Variants in PPFIA2 observed in about 807,000 individuals in gnomAD.
PPFIA2 encodes the protein liprin-alpha-2.
PPFIA2 carries 46 observed loss-of-function variants against 175.5 expected under a neutral mutation model. The observed-to-expected ratio is 0.26, with a 90% CI of 0.21 to 0.34. The LOEUF (loss-of-function observed/expected upper bound fraction) is 0.34. Ranked by LOEUF, PPFIA2 falls within the 10% of genes least tolerant of loss-of-function variation. The probability of loss-of-function intolerance (pLI) is 1.00; values close to 1 mark genes in which losing one functional copy is unlikely to be tolerated. For missense variants in PPFIA2, 1,179 were observed against 1,506.1 expected (o/e 0.78, Z 3.60); for synonymous variants, 568 against 511.4 (o/e 1.11, Z -1.49).
chr12:81,414,874 A>G (rs936758877), intron 7 of PPFIA2, among the ~76,000 whole-genome samples: 17 of 151,326 alleles, frequency 1.1e-4, no homozygotes, highest in African/African-American at 4.1e-4. Context: ...GGGAAACCAT[A>G]AAGGTTGAAA....
chr12:81,389,144 T>TATAC (rs1555342544), intron 8 of PPFIA2, among the ~76,000 whole-genome samples: 41 of 140,790 alleles, frequency 2.9e-4, no homozygotes, highest in Admixed American at 2.3e-3. Context: ...TATATATATA[T>TATAC]ACACACACAC....
At chr12:81,697,733 ACCAAG>A (rs2076051876) in intron 3 of PPFIA2, among the ~76,000 whole-genome samples, 1 of 152,110 alleles carries the variant, frequency 6.6e-6, no homozygotes, top group Non-Finnish European at 1.5e-5. Flanking sequence ...TTTCCTCTAG[ACCAAG>A]ACTTTGCTTT....
At chr12:81,493,860 A>G (rs1316401687) in intron 4 of PPFIA2, among the ~76,000 whole-genome samples, 2 of 150,102 alleles carry the variant, frequency 1.3e-5, no homozygotes, top group African/African-American at 2.4e-5. Flanking sequence ...TATGATGTTC[A>G]GAGATGCTGT....
intron 4 of PPFIA2, among the ~76,000 whole-genome samples, chr12:81,567,406 A>C (rs1027431397): frequency 6.6e-6 from 1 of 152,086 alleles, no homozygotes; most frequent in Admixed American, 6.5e-5. Flanking sequence ...TTAATACCTG[A>C]TTTTGTGCTA....
Position 81,747,466 on chromosome 12 carries a change from A to C in PPFIA2, c.249+6507T>G, listed in dbSNP as rs761440459. On this transcript the variant is annotated intron_variant, in intron 3 of 32. Transcript: ENST00000549396. ...GAGAGTAAGGATTTTTAATGCTCTC[A>C]ATTTGTGCTAGTGTTCATTATTACC... 2.8e-5 allele frequency among the ~76,000 whole-genome samples: 4 copies of C among 144,084 alleles called. 1 individual carries two copies. The highest frequency in any genetic ancestry group is 6.2e-5 in the Non-Finnish European group (4 of 64,252). The allele number at this position is 144,084 out of a possible 152,430, so 94.5% of individuals were successfully genotyped here. A position where few individuals can be genotyped will look rare whatever the true frequency, so the allele number is the denominator to read the frequency against.
At chr12:81,625,698 G>A (rs1193945898) in intron 4 of PPFIA2, among the ~76,000 whole-genome samples, 4 of 151,340 alleles carry the variant, frequency 2.6e-5, no homozygotes, top group Non-Finnish European at 5.9e-5. Context: ...AATTAGTATT[G>A]TAGGTATTAA....
chr12:81,439,895 T>C (rs2049847282), intron 7 of PPFIA2, 77 bp downstream of exon 7: 8 of 1,176,046 alleles, frequency 6.8e-6, no homozygotes, highest in East Asian at 2.5e-5. Flanking sequence ...ACAGTTATAA[T>C]AAAAGTGACG....
intron 4 of PPFIA2, among the ~76,000 whole-genome samples, chr12:81,561,709 A>C (rs1278350176): frequency 2.6e-5 from 4 of 152,180 alleles, no homozygotes; most frequent in African/African-American, 9.7e-5. Context: ...TTAGTAACAG[A>C]CGCAAGCTGC....
intron 4 of PPFIA2, chr12:81,535,414 G>A (rs145367157): frequency 8.1e-5 from 37 of 455,348 alleles, no homozygotes; most frequent in African/African-American, 5.8e-4. Context: ...AGACAAGATG[G>A]TACCCACCAT....
At chr12:81,554,505 C>T (rs181214863) in intron 4 of PPFIA2, among the ~76,000 whole-genome samples, 3 of 152,084 alleles carry the variant, frequency 2.0e-5, no homozygotes, top group South Asian at 2.1e-4. Flanking sequence ...AATGGAGGAA[C>T]ACATGGCCTC....
intron 4 of PPFIA2, among the ~76,000 whole-genome samples, chr12:81,492,093 A>T (rs1469393580): frequency 6.6e-6 from 1 of 152,028 alleles, no homozygotes; most frequent in Non-Finnish European, 1.5e-5. Flanking sequence ...TGTGTGCCTG[A>T]CTTTGTAGAC....
In PPFIA2 at chr12:81,339,328, T is replaced by A; in HGVS notation, c.2400A>T (p.Leu800Phe). The stretch of plus-strand genomic sequence containing the variant: ...GGCTTTCTGGCTCAAGAGAGACAGA[T>A]AAACTACTGCAAAACACAAAAGAGG... ...SSYHNDARSSLSVSLEPESLG... is the reference protein window; with the variant it reads ...SSYHNDARSSFSVSLEPESLG... Residue 800 changes from leucine to phenylalanine, a missense_variant, in exon 21 of 33, where the codon TTA becomes TTT. Leu to Phe is a conservative substitution (Grantham distance 22). This residue lies in a region of PPFIA2 where 223 missense variants were observed against 241.6 expected (regional missense o/e 0.92). Transcript: ENST00000549396. 6.3e-7 allele frequency: 1 copy of A among 1,579,738 alleles called. No individual in the cohort carries two copies. Among genetic ancestry groups the A allele is most frequent in the Non-Finnish European group, 8.6e-7 (1 of 1,165,214 alleles).
At chr12:81,269,971 A>T (rs777879958) in intron 28 of PPFIA2, among the ~76,000 whole-genome samples, 1 of 152,184 alleles carries the variant, frequency 6.6e-6, no homozygotes, top group Non-Finnish European at 1.5e-5. Context: ...GGTACAGGGT[A>T]CACTGCTTGG....
chr12:81,368,086 C>A, intron 13 of PPFIA2: 2 of 1,282,950 alleles, frequency 1.6e-6, no homozygotes, highest in Non-Finnish European at 2.0e-6. Context: ...TGTGATCATC[C>A]GGGTTTTATA....
intron 5 of PPFIA2, among the ~76,000 whole-genome samples, chr12:81,450,567 A>C (rs2052354426): frequency 6.6e-6 from 1 of 152,002 alleles, no homozygotes; most frequent in African/African-American, 2.4e-5. Context: ...AGGTTGCAAA[A>C]ATTTTCTCCC....
chr12:81,400,000 G>A (rs2041856009), intron 8 of PPFIA2, among the ~76,000 whole-genome samples: 2 of 152,058 alleles, frequency 1.3e-5, no homozygotes, highest in Non-Finnish European at 2.9e-5. Flanking sequence ...ACAAAAAAAT[G>A]AACAAAATAT....
chr12:81,280,001 AACTT>A (rs1173065589), intron 27 of PPFIA2, among the ~76,000 whole-genome samples: 5 of 152,212 alleles, frequency 3.3e-5, no homozygotes, highest in African/African-American at 1.2e-4. Context: ...AACCTAAGAA[AACTT>A]ACTTATTTAA....
intron 7 of PPFIA2, among the ~76,000 whole-genome samples, chr12:81,428,951 G>A (rs1004548377): frequency 2.0e-5 from 3 of 151,968 alleles, no homozygotes; most frequent in South Asian, 4.1e-4. Context: ...GTCATTAAAC[G>A]CATACTGTCA....
chr12:81,724,317 C>CTATT (rs985152036), intron 3 of PPFIA2, among the ~76,000 whole-genome samples: 4 of 150,862 alleles, frequency 2.7e-5, no homozygotes, highest in East Asian at 2.0e-4. Flanking sequence ...TTTGAGCCTT[C>CTATT]TATTTATTTA....
Sources: gnomAD v4.1 joint callset for allele counts (sites outside exome capture counted in the v4.1 genomes callset) on GRCh38, gnomAD v4.1.1 for gene constraint, gnomAD v4.1.1 regional missense constraint, MANE v1.5 for transcripts, NCBI Gene and HGNC (gene_info 2026-07-23, HGNC 2026-07-21) for gene names.